The following DHRS7C variants were observed in gnomAD, a reference collection of about 807,000 sequenced individuals.
DHRS7C encodes dehydrogenase/reductase SDR family member 7C.
Under a neutral mutation model 29.6 loss-of-function variants are expected in DHRS7C, and 28 were observed. The ratio of observed to expected loss-of-function variants is 0.95; its 90% CI spans 0.70 to 1.30. The LOEUF is 1.30. Ranked by LOEUF, DHRS7C falls within the 50% of genes most tolerant of loss-of-function variation. The pLI, the probability that DHRS7C is intolerant of heterozygous loss-of-function variation, is 0.00. For synonymous variants in DHRS7C, 158 were observed against 160.2 expected, an observed-to-expected ratio of 0.99 and a Z score of 0.10; for missense variants, 403 against 393.3, an observed-to-expected ratio of 1.02 and a Z score of -0.21.
chr17:9,774,300 T>C lies in DHRS7C; in HGVS notation c.572-1378A>G, dbSNP rs1046076525. 2.6e-5 allele frequency among the ~76,000 whole-genome samples: 4 copies of C among 152,002 alleles called. No homozygotes were observed. The highest frequency in any genetic ancestry group is 4.8e-5 in the African/African-American group (2 of 41,382). On this transcript the variant is annotated intron_variant, in intron 4 of 5. Transcript: ENST00000571134. The surrounding 1 kb of genome is among the most constrained non-coding windows in gnomAD (Gnocchi z 5.0). ...TGTGGTGTTTTTTGTTTTGTTTTGT[T>C]TTGAGAGGGAGTCTTGCTCTGTTGT... is the stretch of plus-strand genomic sequence containing the variant.
rs192749587 is a variant in DHRS7C at position 9,779,394 on chromosome 17, C to A, written c.478+431G>T. 5.3e-4 allele frequency among the ~76,000 whole-genome samples: 80 copies of A among 152,294 alleles called. 2 individuals carry two copies. The highest frequency in any genetic ancestry group is 1.8e-3 in the African/African-American group (75 of 41,572). ...CTGGTGATAAGCCCTTTTTCTTCTT[C>A]ATTTCTGAGGACAGAATCTTTACCT... On this transcript the variant is annotated intron_variant, in intron 3 of 5. Transcript: ENST00000571134.
At chr17:9,786,119 T>C (rs1273314472) in intron 1 of DHRS7C, among the ~76,000 whole-genome samples, 1 of 151,790 alleles carries the variant, frequency 6.6e-6, no homozygotes, top group African/African-American at 2.4e-5. Context: ...GGTCAGGAGT[T>C]TGAGACCACC....
chr17:9,786,109 G>T (rs930215645), intron 1 of DHRS7C, among the ~76,000 whole-genome samples: 5 of 151,858 alleles, frequency 3.3e-5, no homozygotes, highest in Non-Finnish European at 7.4e-5. Context: ...GATTACCTGA[G>T]GTCAGGAGTT....
intron 1 of DHRS7C, among the ~76,000 whole-genome samples, chr17:9,784,871 A>G (rs1168716811): frequency 2.6e-5 from 4 of 152,262 alleles, no homozygotes; most frequent in African/African-American, 4.8e-5. Context: ...TGTTGCAGAA[A>G]TTGGTCTATT....
At chr17:9,779,778 A>G in intron 3 of DHRS7C, 47 bp downstream of exon 3, 1 of 1,556,924 alleles carries the variant, frequency 6.4e-7, no homozygotes, top group Non-Finnish European at 8.8e-7. Context: ...AGGCCTCTGT[A>G]GAATCTGGTG....
chr17:9,777,433 C>T, intron 3 of DHRS7C, 148 bp from the exon 4 acceptor site: 3 of 527,906 alleles, frequency 5.7e-6, no homozygotes, highest in Non-Finnish European at 9.9e-6. Flanking sequence ...TGGAATGAGT[C>T]CTGCAATCAT....
intron 4 of DHRS7C, 124 bp downstream of exon 4, chr17:9,777,069 C>T (rs1288112453): frequency 9.4e-6 from 7 of 743,696 alleles, no homozygotes; most frequent in African/African-American, 9.1e-5. Context: ...GAAAATCCAG[C>T]AGATGGTGTC....
At chr17:9,772,513 G>A (rs1037280048) in intron 5 of DHRS7C, among the ~76,000 whole-genome samples, 1 of 152,186 alleles carries the variant, frequency 6.6e-6, no homozygotes, top group Non-Finnish European at 1.5e-5. Flanking sequence ...GCTTGCCGAG[G>A]TGGCAGAGGA....
At chr17:9,776,202 CAAA>C (rs1393192419) in intron 4 of DHRS7C, among the ~76,000 whole-genome samples, 5 of 151,466 alleles carry the variant, frequency 3.3e-5, no homozygotes, top group Non-Finnish European at 7.4e-5. Flanking sequence ...GATTCTGTCT[CAAA>C]AAAAGAAAAA....
chr17:9,785,905 G>C (rs2066420408), intron 1 of DHRS7C, among the ~76,000 whole-genome samples: 3 of 152,184 alleles, frequency 2.0e-5, no homozygotes, highest in South Asian at 2.1e-4. Flanking sequence ...GGAGCAGAGA[G>C]GGGGAAGAAA....
intron 1 of DHRS7C, among the ~76,000 whole-genome samples, chr17:9,783,596 ATAGAG>A (rs1187324036): frequency 1.3e-5 from 2 of 152,244 alleles, no homozygotes; most frequent in African/African-American, 4.8e-5. Flanking sequence ...TTGATAATAA[ATAGAG>A]TCAGGTATTG....
Position 9,791,332 on chromosome 17 carries a change from G to T in DHRS7C, c.-48C>A. On this transcript the variant is annotated 5_prime_UTR_variant, in exon 1 of 6. Coordinates refer to ENST00000571134, the MANE Select transcript of DHRS7C (RefSeq NM_001105571.3). ...TAAAAGGGGATTGGCTTTGCAAAGA[G>T]ACGCTGATCAGGACTCCCAGGGCAG... 2 of 1,598,044 alleles carry T rather than the reference G, an allele frequency of 1.3e-6. No individual in the cohort carries two copies. Among genetic ancestry groups the T allele is most frequent in the Non-Finnish European group, 1.7e-6 (2 of 1,171,966 alleles).
At chr17:9,772,424 G>A (rs1273513250) in intron 5 of DHRS7C, among the ~76,000 whole-genome samples, 2 of 152,172 alleles carry the variant, frequency 1.3e-5, no homozygotes, top group Non-Finnish European at 2.9e-5. Context: ...TCTGTGCAAG[G>A]GAAAGGGGGA....
chr17:9,782,544 AT>A (rs1218086544), intron 1 of DHRS7C, among the ~76,000 whole-genome samples: 1 of 148,442 alleles, frequency 6.7e-6, no homozygotes, highest in African/African-American at 2.4e-5. Flanking sequence ...TCAGTCACTG[AT>A]GGGGCTGCCC....
intron 2 of DHRS7C, 116 bp from the exon 3 acceptor site, chr17:9,780,151 G>GAAAA: frequency 1.6e-6 from 1 of 628,510 alleles, no homozygotes; most frequent in Non-Finnish European, 2.5e-6. Flanking sequence ...TGAAATGACT[G>GAAAA]AAAAAAAAAA....
In DHRS7C at chr17:9,791,276, G is replaced by C; in HGVS notation, c.9C>G (p.Val3=). The change falls in exon 1 of 6, where the codon GTC becomes GTG. Residue 3 remains valine (V), a synonymous_variant. Transcript: ENST00000571134. The stretch of plus-strand genomic sequence containing the variant: ...GCAGGGGGAGCATCAGCATGGCCAT[G>C]ACTCCCATCTTGTTCTGGGGGACAA... MG[V]MAMLMLPLLL... is the part of the protein sequence containing the mutation. The C allele has an allele frequency of 6.2e-7, 1 of 1,613,702 alleles. No individual in the cohort carries two copies. Among genetic ancestry groups the C allele is most frequent in the Non-Finnish European group, 8.5e-7 (1 of 1,179,788 alleles).
At position 9,781,515 on chromosome 17, in the gene DHRS7C, A is replaced by T. The variant is rs779662471; in HGVS notation, c.234T>A (p.Tyr78Ter). 5 of 1,613,890 alleles carry T rather than the reference A, an allele frequency of 3.1e-6. No homozygotes were observed. The African/African-American group carries it at 6.7e-5, about 22-fold the overall frequency. Residue 78 changes from tyrosine to a stop codon, truncating the protein, a stop_gained, in exon 2 of 6, where the codon TAT becomes TAA. Transcript: ENST00000571134. LOFTEE classifies it high-confidence loss of function. ...GKNWERLENL[Y>*]DALISVADPS... Reference sequence around the variant, plus strand: ...GGTCAGCCACGCTGATCAAGGCATCATATAGGTTCTCTAGCCTCTCCCAGT... The same window carrying T: ...GGTCAGCCACGCTGATCAAGGCATCTTATAGGTTCTCTAGCCTCTCCCAGT...
At chr17:9,777,831 C>A (rs181175046) in intron 3 of DHRS7C, among the ~76,000 whole-genome samples, 1 of 152,064 alleles carries the variant, frequency 6.6e-6, no homozygotes, top group African/African-American at 2.4e-5. Flanking sequence ...AAGATTGTGG[C>A]GTTCTCAGGC....
Position 9,777,371 on chromosome 17 carries a change from C to T in DHRS7C, c.479-86G>A. On this transcript the variant is annotated intron_variant, in intron 3 of 5. Transcript: ENST00000571134. ...GGCAGACCCCTGCCCCCGGTACCCTCATCACAGGGCTCCGCTACCTCCGCG... is the reference window on the plus strand; with the variant it reads ...GGCAGACCCCTGCCCCCGGTACCCTTATCACAGGGCTCCGCTACCTCCGCG... The T allele has an allele frequency of 2.9e-6, 3 of 1,043,302 alleles. No individual in the cohort carries two copies. In the East Asian group the frequency reaches 7.5e-5, roughly 26 times the overall value. 64.6% of individuals were successfully genotyped at this position (1,043,302 alleles called of 1,614,324 possible).
Sources: allele counts gnomAD v4.1 joint callset (sites outside exome capture counted in the v4.1 genomes callset), GRCh38; gene constraint gnomAD v4.1.1; non-coding constraint Gnocchi (gnomAD v3.1); transcripts MANE v1.5; gene names NCBI Gene and HGNC (gene_info 2026-07-23, HGNC 2026-07-21).